PKNOX2: variants seen among roughly 807,000 people sequenced by gnomAD.
PKNOX2 encodes PBX/knotted 1 homeobox 2.
Under a neutral mutation model 53.1 loss-of-function variants are expected in PKNOX2, and 14 were observed. The ratio of observed to expected loss-of-function variants is 0.26; its 90% confidence interval spans 0.17 to 0.41. The LOEUF is 0.41. Ranked by LOEUF, PKNOX2 falls within the 10% of genes least tolerant of loss-of-function variation. PKNOX2 has a pLI of 1.00. For missense variants in PKNOX2, 496 were observed against 602.8 expected (o/e 0.82, Z 1.85); for synonymous variants, 257 against 242.8 (o/e 1.06, Z -0.54).
At chr11:125,397,826 G>A (rs1212455671) in intron 6 of PKNOX2, 48 bp from the exon 7 acceptor site, 8 of 1,550,376 alleles carry the variant, frequency 5.2e-6, no homozygotes, top group African/African-American at 1.4e-5. Context: ...AGGCAGTGAG[G>A]GAAATGGGAT....
intron 4 of PKNOX2, among the ~76,000 whole-genome samples, chr11:125,359,656 G>A (rs2136237999): frequency 1.3e-5 from 2 of 152,290 alleles, no homozygotes; most frequent in Middle Eastern, 6.8e-3. Context: ...TCTCCTGGTT[G>A]CCAGGAAACT....
intron 1 of PKNOX2, among the ~76,000 whole-genome samples, 160 bp downstream of exon 1, chr11:125,164,936 G>C (rs1954736756): frequency 6.6e-6 from 1 of 151,794 alleles, no homozygotes; most frequent in African/African-American, 2.4e-5. Context: ...GAGGAGAGAG[G>C]GAGAGAGGGA....
chr11:125,259,926 G>A (rs565890705), intron 2 of PKNOX2, among the ~76,000 whole-genome samples: 1 of 150,814 alleles, frequency 6.6e-6, no homozygotes, highest in South Asian at 2.1e-4. Context: ...GCCCAATCTG[G>A]AGTGCAGTGG....
At chr11:125,342,405 G>A (rs1425070674) in intron 3 of PKNOX2, among the ~76,000 whole-genome samples, 1 of 152,008 alleles carries the variant, frequency 6.6e-6, no homozygotes, top group East Asian at 1.9e-4. Flanking sequence ...ACCTTACATG[G>A]TCCCCATGCC....
At chr11:125,387,767 G>A (rs1177351423) in intron 6 of PKNOX2, among the ~76,000 whole-genome samples, 5 of 152,138 alleles carry the variant, frequency 3.3e-5, no homozygotes, top group South Asian at 2.1e-4. Flanking sequence ...CTACTTGGGT[G>A]CACCTGATTT....
chr11:125,401,766 A>AGTGTGTGTGTGTGT lies in PKNOX2; in HGVS notation c.588+3715_588+3728dup, dbSNP rs370503272. 2.5e-4 allele frequency among the ~76,000 whole-genome samples: 38 copies of AGTGTGTGTGTGTGT among 149,304 alleles called. 1 individual carries two copies. Among genetic ancestry groups the AGTGTGTGTGTGTGT allele is most frequent in the African/African-American group, 7.6e-4 (31 of 40,782 alleles). Reference sequence around the variant, plus strand: ...ATGAGAGAGAGAAAAGGAGCTTGTGAGTGTGTGTGTGTGTGTGTGTGTGTA... The same window carrying AGTGTGTGTGTGTGT: ...ATGAGAGAGAGAAAAGGAGCTTGTGAGTGTGTGTGTGTGTGTGTGTGTGTGTGTGTGTGTGTGTA... On this transcript the variant is annotated intron_variant, in intron 7 of 12. Coordinates refer to ENST00000298282, the MANE Select transcript of PKNOX2 (RefSeq NM_001382323.2).
intron 3 of PKNOX2, among the ~76,000 whole-genome samples, chr11:125,340,815 G>C (rs956765106): frequency 6.6e-6 from 1 of 152,080 alleles, no homozygotes; most frequent in Non-Finnish European, 1.5e-5. Flanking sequence ...ACTTTGGGAG[G>C]CCGAAGTGGG....
At chr11:125,325,263 T>C (rs536835844) in intron 2 of PKNOX2, among the ~76,000 whole-genome samples, 1 of 152,318 alleles carries the variant, frequency 6.6e-6, no homozygotes, top group Admixed American at 6.5e-5. Flanking sequence ...ATTTAATAGA[T>C]GCACGTTGAT....
intron 1 of PKNOX2, among the ~76,000 whole-genome samples, chr11:125,206,703 A>G (rs565413744): frequency 6.6e-6 from 1 of 152,222 alleles, no homozygotes; most frequent in Middle Eastern, 3.4e-3. Flanking sequence ...TACTTACCTC[A>G]TTGAGATGTT....
chr11:125,274,525 C>A (rs750973791), intron 2 of PKNOX2, among the ~76,000 whole-genome samples: 1 of 152,162 alleles, frequency 6.6e-6, no homozygotes, highest in Non-Finnish European at 1.5e-5. Context: ...TGTTTTTCAC[C>A]TTTTATAGAC....
At chr11:125,415,805 A>G (rs914253769) in intron 10 of PKNOX2, among the ~76,000 whole-genome samples, 2 of 152,226 alleles carry the variant, frequency 1.3e-5, no homozygotes, top group Non-Finnish European at 2.9e-5. Context: ...AGCTGGGACA[A>G]CTAATTTGTT....
At position 125,166,350 on chromosome 11, in the gene PKNOX2, G is replaced by A. The variant is rs956895647; in HGVS notation, c.-201+1574G>A. On this transcript the variant is annotated intron_variant, in intron 1 of 12. Coordinates refer to ENST00000298282, the MANE Select transcript of PKNOX2 (RefSeq NM_001382323.2). This position sits in a 1 kb window ranked among gnomAD's most constrained non-coding sequence, Gnocchi z 4.0. Reference sequence around the variant, plus strand: ...ATCTGAGCCATGGCAGGCGAGCCCCGAATTTTTGCTGCTTCCCCCTGAAAG... The same window carrying A: ...ATCTGAGCCATGGCAGGCGAGCCCCAAATTTTTGCTGCTTCCCCCTGAAAG... Among the ~76,000 whole-genome samples the A allele has an allele frequency of 6.6e-6, 1 of 152,208 alleles. No individual in the cohort carries two copies. The highest frequency in any genetic ancestry group is 2.4e-5 in the African/African-American group (1 of 41,464).
chr11:125,357,152 C>T (rs57824427), intron 4 of PKNOX2, among the ~76,000 whole-genome samples: 2,943 of 152,254 alleles, frequency 0.019, 81 homozygotes, highest in African/African-American at 0.06. Context: ...CCAAAACAGA[C>T]TCTTCTCTTT....
intron 1 of PKNOX2, among the ~76,000 whole-genome samples, chr11:125,184,733 T>C (rs894839930): frequency 2.6e-5 from 4 of 152,192 alleles, no homozygotes; most frequent in Non-Finnish European, 4.4e-5. Context: ...GAGCCTCTGA[T>C]TGCTTTCCTG....
At chr11:125,222,338 C>G (rs1423246691) in intron 1 of PKNOX2, among the ~76,000 whole-genome samples, 3 of 151,970 alleles carry the variant, frequency 2.0e-5, no homozygotes, top group African/African-American at 7.3e-5. Context: ...CTTCTCCACA[C>G]TTTCTTCAGG....
In PKNOX2 at chr11:125,410,416, TCC is replaced by T. The variant is rs887530890; in HGVS notation, c.718+92_718+93del. 18 of 1,535,702 alleles carry T rather than the reference TCC, an allele frequency of 1.2e-5. No individual in the cohort carries two copies. The African/African-American group carries it at 2.2e-4, about 19-fold the overall frequency. ...GCGGTTCCAGGGGTGGGGGTTGTCC[TCC>T]ACCGAGGGAGGGGCTCCCAGCTCAG... On this transcript the variant is annotated intron_variant, in intron 8 of 12. Transcript: ENST00000298282.
At chr11:125,300,111 G>A (rs1192288203) in intron 2 of PKNOX2, among the ~76,000 whole-genome samples, 3 of 152,248 alleles carry the variant, frequency 2.0e-5, no homozygotes, top group Non-Finnish European at 4.4e-5. Context: ...GTGAGCGGTT[G>A]GAGAGGGGAC....
chr11:125,414,194 G>C (rs1955737020), intron 10 of PKNOX2, among the ~76,000 whole-genome samples: 1 of 152,190 alleles, frequency 6.6e-6, no homozygotes, highest in African/African-American at 2.4e-5. Context: ...GGAGAAGAGA[G>C]GAAGTAGTAG....
At chr11:125,186,923 T>G (rs1013337011) in intron 1 of PKNOX2, among the ~76,000 whole-genome samples, 10 of 152,336 alleles carry the variant, frequency 6.6e-5, no homozygotes, top group African/African-American at 2.4e-4. Flanking sequence ...TTTATTCTTT[T>G]GCGTATGGAA....
Sources: allele counts gnomAD v4.1 joint callset (sites outside exome capture counted in the v4.1 genomes callset), GRCh38; gene constraint gnomAD v4.1.1; non-coding constraint Gnocchi (gnomAD v3.1); transcripts MANE v1.5; gene names NCBI Gene and HGNC (gene_info 2026-07-23, HGNC 2026-07-21).